The following SLC7A5 variants were observed in gnomAD, a reference collection of about 807,000 sequenced individuals.
SLC7A5 encodes large neutral amino acids transporter small subunit 1.
Under a neutral mutation model 50.2 loss-of-function variants are expected in SLC7A5, and 23 were observed. The ratio of observed to expected loss-of-function variants is 0.46; its 90% CI spans 0.33 to 0.65. The LOEUF is 0.65. Among genes scored for constraint, SLC7A5 ranks in the 30% least tolerant of loss-of-function variants. The pLI, the probability that SLC7A5 is intolerant of heterozygous loss-of-function variation, is 0.02. For synonymous variants in SLC7A5, 393 were observed against 330.6 expected (o/e 1.19, Z -2.05); for missense variants, 578 against 684.4 (o/e 0.84, Z 1.73).
chr16:87,840,692 C>T lies in SLC7A5; in HGVS notation c.771-219G>A, dbSNP rs542856829. Reference sequence around the variant, plus strand: ...CCCTCCCGCACATTCCCTGCCTGTTCGCCCTACTGGGGTGATTCTCAGGTC... The same window carrying T: ...CCCTCCCGCACATTCCCTGCCTGTTTGCCCTACTGGGGTGATTCTCAGGTC... On this transcript the variant is annotated intron_variant, in intron 3 of 9. Coordinates refer to ENST00000261622, the MANE Select transcript of SLC7A5 (RefSeq NM_003486.7). Among the ~76,000 whole-genome samples, 12 of 152,288 alleles carry T rather than the reference C, an allele frequency of 7.9e-5. No individual in the cohort carries two copies. The East Asian group carries it at 1.7e-3, about 22-fold the overall frequency.
Position 87,836,588 on chromosome 16 carries a change from G to A in SLC7A5, c.1200C>T (p.Phe400=). 4 of 1,613,722 alleles carry A rather than the reference G, an allele frequency of 2.5e-6. No homozygotes were observed. Among genetic ancestry groups the A allele is most frequent in the Non-Finnish European group, 3.4e-6 (4 of 1,180,018 alleles). ...SKDIFSVINF[F]SFFNWLCVAL... Reference sequence around the variant, plus strand: ...CCACGCAGAGCCAGTTGAAGAAGCTGAAGAAGTTGATGACGGAGAAGATGT... The same window carrying A: ...CCACGCAGAGCCAGTTGAAGAAGCTAAAGAAGTTGATGACGGAGAAGATGT... Residue 400 remains phenylalanine, a synonymous_variant, in exon 8 of 10, where the codon TTC becomes TTT. Transcript: ENST00000261622.
intron 1 of SLC7A5, among the ~76,000 whole-genome samples, chr16:87,856,873 G>A (rs2055328610): frequency 6.6e-6 from 1 of 152,214 alleles, no homozygotes; most frequent in African/African-American, 2.4e-5. Flanking sequence ...GAAACCCAGA[G>A]CTTCTGATCA....
At chr16:87,837,990 C>T (rs1304109852) in intron 6 of SLC7A5, 49 bp from the exon 7 acceptor site, 19 of 1,405,982 alleles carry the variant, frequency 1.4e-5, no homozygotes, top group Non-Finnish European at 1.7e-5. Context: ...CACAACTCAG[C>T]ACGTGGACAG....
At chr16:87,864,092 G>T (rs1399763846) in intron 1 of SLC7A5, among the ~76,000 whole-genome samples, 1 of 148,506 alleles carries the variant, frequency 6.7e-6, no homozygotes, top group Admixed American at 6.8e-5. Flanking sequence ...AGGAGTTCGA[G>T]ACCAGCCTGG....
At chr16:87,844,644 C>G (rs1327730052) in intron 2 of SLC7A5, among the ~76,000 whole-genome samples, 1 of 152,250 alleles carries the variant, frequency 6.6e-6, no homozygotes, top group African/African-American at 2.4e-5. Context: ...GAAGAGCCTG[C>G]CCAGCGTGGG....
Position 87,833,124 on chromosome 16 carries a change from A to T in SLC7A5, c.1469-99T>A. On this transcript the variant is annotated intron_variant, in intron 9 of 9. Transcript: ENST00000261622. The surrounding 1 kb of genome is among the most constrained non-coding windows in gnomAD (Gnocchi z 6.0). The stretch of plus-strand genomic sequence containing the variant: ...GGGCTCCCCCAGCCCTGCTGTCACC[A>T]AACCCAGCGCCGCTGCCCAGCGCTG... 3.0e-6 allele frequency: 3 copies of T among 987,192 alleles called. No individual in the cohort carries two copies. In the East Asian group the frequency reaches 7.2e-5, roughly 24 times the overall value. The allele number at this position is 987,192 out of a possible 1,614,324, so 61.2% of individuals were successfully genotyped here.
intron 2 of SLC7A5, among the ~76,000 whole-genome samples, chr16:87,845,292 C>G (rs2143757101): frequency 6.6e-6 from 1 of 152,368 alleles, no homozygotes; most frequent in South Asian, 2.1e-4. Flanking sequence ...GGCACCTCAT[C>G]TAAGAGGGGG....
intron 8 of SLC7A5, 63 bp from the exon 9 acceptor site, chr16:87,834,654 G>A (rs551796757): frequency 3.0e-5 from 46 of 1,538,858 alleles, no homozygotes; most frequent in Non-Finnish European, 3.9e-5. Flanking sequence ...CCCATGCCCC[G>A]AGGTTCCTCA....
At chr16:87,847,800 G>A (rs1272072791) in intron 2 of SLC7A5, among the ~76,000 whole-genome samples, 1 of 152,176 alleles carries the variant, frequency 6.6e-6, no homozygotes, top group African/African-American at 2.4e-5. Flanking sequence ...TGAGTCTAAG[G>A]GGCCCTACTA....
intron 8 of SLC7A5, among the ~76,000 whole-genome samples, chr16:87,834,920 G>A (rs951414498): frequency 5.9e-5 from 9 of 152,218 alleles, no homozygotes; most frequent in Admixed American, 3.3e-4. Flanking sequence ...CCGCCAGGAC[G>A]CACAGGGGCC....
intron 2 of SLC7A5, among the ~76,000 whole-genome samples, chr16:87,843,324 T>C (rs1463496361): frequency 1.4e-5 from 2 of 145,020 alleles, no homozygotes; most frequent in Non-Finnish European, 3.0e-5. Flanking sequence ...AGCCAGATAT[T>C]GGCAGCCCTA....
rs1457622830 is a variant in SLC7A5 at position 87,861,170 on chromosome 16, G to A, written c.538+7715C>T. 6.6e-6 allele frequency among the ~76,000 whole-genome samples: 1 copy of A among 152,228 alleles called. No individual in the cohort carries two copies. Among genetic ancestry groups the A allele is most frequent in the Non-Finnish European group, 1.5e-5 (1 of 68,032 alleles). ...AGGCCTGCCCATGGCCAGCTATCCA[G>A]GTGATGCTCCAGGGAGGGCCAGGCC... On this transcript the variant is annotated intron_variant, in intron 1 of 9. Transcript: ENST00000261622. This position sits in a 1 kb window ranked among gnomAD's most constrained non-coding sequence, Gnocchi z 4.2.
chr16:87,866,492 G>A (rs2055462694), intron 1 of SLC7A5, among the ~76,000 whole-genome samples: 1 of 152,082 alleles, frequency 6.6e-6, no homozygotes, highest in South Asian at 2.1e-4. Context: ...TTGAGATGGA[G>A]TTTCGCCTTG....
chr16:87,834,771 A>G (rs748210582), intron 8 of SLC7A5, 180 bp from the exon 9 acceptor site: 1 of 679,716 alleles, frequency 1.5e-6, no homozygotes, highest in Non-Finnish European at 2.6e-6. Context: ...TCGACTCTGC[A>G]TACAGTGCTG....
chr16:87,859,098 C>T (rs941943732), intron 1 of SLC7A5, among the ~76,000 whole-genome samples: 3 of 152,222 alleles, frequency 2.0e-5, no homozygotes, highest in Non-Finnish European at 4.4e-5. Context: ...CCCTCCCCTA[C>T]CTGACCCCTG....
chr16:87,838,021 TG>T, intron 6 of SLC7A5, 80 bp from the exon 7 acceptor site: 1 of 1,111,966 alleles, frequency 9.0e-7, no homozygotes, highest in Non-Finnish European at 1.3e-6. Flanking sequence ...GGCTGGGGAG[TG>T]GCAGGGCCTG....
At chr16:87,849,391 A>G (rs1483144130) in intron 2 of SLC7A5, among the ~76,000 whole-genome samples, 1 of 152,220 alleles carries the variant, frequency 6.6e-6, no homozygotes, top group Non-Finnish European at 1.5e-5. Flanking sequence ...TCAGAAGGGA[A>G]TTGCTGGGGG....
In SLC7A5 at chr16:87,851,806, G is replaced by A. The variant is rs2055227847; in HGVS notation, c.582C>T (p.Thr194=). The change falls in exon 2 of 10, where the codon ACC becomes ACT. Residue 194 remains threonine, a synonymous_variant. Coordinates refer to ENST00000261622, the MANE Select transcript of SLC7A5 (RefSeq NM_003486.7). ...CGGCGGCAAAGGCATCCTGGACCCG[G>A]GTGGCGGCCTTCACGCTGTAGCAGT... The part of the protein sequence containing the change: ...AVNCYSVKAA[T]RVQDAFAAAK... The A allele has an allele frequency of 1.2e-6, 2 of 1,613,114 alleles. No individual in the cohort carries two copies. The highest frequency in any genetic ancestry group is 8.5e-7 in the Non-Finnish European group (1 of 1,179,964).
intron 2 of SLC7A5, among the ~76,000 whole-genome samples, chr16:87,842,614 G>C (rs2055095567): frequency 6.6e-6 from 1 of 152,220 alleles, no homozygotes; most frequent in Non-Finnish European, 1.5e-5. Context: ...CTCCAGCTCT[G>C]TCTGTCCCAG....
Sources: allele counts gnomAD v4.1 joint callset (sites outside exome capture counted in the v4.1 genomes callset), GRCh38; gene constraint gnomAD v4.1.1; non-coding constraint Gnocchi (gnomAD v3.1); transcripts MANE v1.5; gene names NCBI Gene and HGNC (gene_info 2026-07-23, HGNC 2026-07-21).